The following MPPED1 variants were observed in gnomAD, a reference collection of about 807,000 sequenced individuals.
MPPED1 encodes the protein metallophosphoesterase domain containing 1.
In MPPED1, 16 loss-of-function variants were observed where a neutral mutation model predicts 36.2. The observed-to-expected ratio is 0.44, with a 90% CI of 0.30 to 0.67. The LOEUF is 0.67. Among genes scored for constraint, MPPED1 ranks in the 30% least tolerant of loss-of-function variants. The pLI, the probability that MPPED1 is intolerant of heterozygous loss-of-function variation, is 0.10. For missense variants in MPPED1, 307 were observed against 453.4 expected (o/e 0.68, Z 2.93); for synonymous variants, 199 against 191.3 (o/e 1.04, Z -0.33).
At chr22:43,440,248 A>G (rs1930103880) in intron 3 of MPPED1, among the ~76,000 whole-genome samples, 1 of 152,244 alleles carries the variant, frequency 6.6e-6, no homozygotes, top group African/African-American at 2.4e-5. Context: ...GACACAGACC[A>G]GTGTGAGCCA....
rs12159524 is a variant in MPPED1 at position 43,473,929 on chromosome 22, G to A, written c.407-807G>A. On this transcript the variant is annotated intron_variant, in intron 3 of 6. Transcript: ENST00000443721. Reference sequence around the variant, plus strand: ...CCTTGGAAGAACTACCCAAAAGTTCGCACACAGCAAAGCTGGAATGACACT... The same window carrying A: ...CCTTGGAAGAACTACCCAAAAGTTCACACACAGCAAAGCTGGAATGACACT... Among the ~76,000 whole-genome samples the A allele has an allele frequency of 4.4e-3, 677 of 152,322 alleles. 7 individuals carry two copies. Among genetic ancestry groups the A allele is most frequent in the African/African-American group, 0.014 (601 of 41,562 alleles).
In MPPED1 at chr22:43,505,584, G is replaced by A. The variant is rs774955949; in HGVS notation, c.949G>A (p.Val317Ile). The A allele has an allele frequency of 1.4e-5, 23 of 1,612,438 alleles. No homozygotes were observed. Among genetic ancestry groups the A allele is most frequent in the Non-Finnish European group, 1.9e-5 (22 of 1,179,366 alleles). ...VNYQPVNPPI[V>I]IDLPTPRNS The stretch of plus-strand genomic sequence containing the variant: ...CTACCAGCCCGTGAACCCGCCCATA[G>A]TCATCGACCTCCCCACACCCCGGAA... The change falls in exon 7 of 7, where the codon GTC (valine) becomes ATC (isoleucine). Residue 317 changes from valine to isoleucine, a missense_variant. Physicochemically the swap from Val to Ile is conservative, Grantham distance 29. This residue lies in a region of MPPED1 where 132 missense variants were observed against 212.3 expected (regional missense o/e 0.62). Coordinates refer to ENST00000443721, the MANE Select transcript of MPPED1 (RefSeq NM_001044370.2).
chr22:43,435,590 C>T (rs5751495), intron 3 of MPPED1, among the ~76,000 whole-genome samples: 3 of 152,204 alleles, frequency 2.0e-5, no homozygotes, highest in African/African-American at 4.8e-5. Flanking sequence ...GGTGCAGCAG[C>T]TCATGCCTGT....
At chr22:43,498,852 C>T (rs976595091) in intron 5 of MPPED1, among the ~76,000 whole-genome samples, 6 of 151,670 alleles carry the variant, frequency 4.0e-5, no homozygotes, top group East Asian at 1.9e-4. Flanking sequence ...CATACTGCCT[C>T]CTCCACCCCT....
intron 3 of MPPED1, among the ~76,000 whole-genome samples, chr22:43,465,509 C>T (rs527517734): frequency 3.3e-5 from 5 of 152,294 alleles, no homozygotes; most frequent in East Asian, 3.9e-4. Flanking sequence ...CCCGTGCTGG[C>T]GGTAGAGCGC....
chr22:43,495,116 A>G (rs570567199), intron 4 of MPPED1, among the ~76,000 whole-genome samples: 1 of 151,370 alleles, frequency 6.6e-6, no homozygotes, highest in South Asian at 2.1e-4. Flanking sequence ...AGTGGTGGTG[A>G]TGGAGGTGGT....
chr22:43,447,147 G>C (rs1930374798), intron 3 of MPPED1, among the ~76,000 whole-genome samples: 1 of 152,100 alleles, frequency 6.6e-6, no homozygotes, highest in South Asian at 2.1e-4. Context: ...AGGTTCCCTC[G>C]TGTGAGTCTT....
At chr22:43,434,929 G>C in intron 2 of MPPED1, 105 bp from the exon 3 acceptor site, 1 of 1,258,440 alleles carries the variant, frequency 7.9e-7, no homozygotes, top group Non-Finnish European at 1.1e-6. Context: ...GGATCTGAGC[G>C]GGATTGATGG....
At chr22:43,446,137 C>T (rs1930338171) in intron 3 of MPPED1, among the ~76,000 whole-genome samples, 1 of 152,196 alleles carries the variant, frequency 6.6e-6, no homozygotes, top group Non-Finnish European at 1.5e-5. Flanking sequence ...TCCCAAAGTG[C>T]TGGGATTACA....
chr22:43,465,074 C>T (rs1422507245), intron 3 of MPPED1, among the ~76,000 whole-genome samples: 1 of 152,188 alleles, frequency 6.6e-6, no homozygotes, highest in Non-Finnish European at 1.5e-5. Context: ...AGGTCAGGAC[C>T]TTTATGTCAC....
chr22:43,488,675 A>G (rs1931990264), intron 4 of MPPED1, among the ~76,000 whole-genome samples: 1 of 152,134 alleles, frequency 6.6e-6, no homozygotes, highest in Middle Eastern at 3.2e-3. Flanking sequence ...ATTTTCAACT[A>G]AATGAGACAT....
chr22:43,446,244 G>A (rs1412613805), intron 3 of MPPED1, among the ~76,000 whole-genome samples: 2 of 152,214 alleles, frequency 1.3e-5, no homozygotes, highest in African/African-American at 4.8e-5. Context: ...TTTCCAGGTT[G>A]CACTTGATTA....
intron 4 of MPPED1, among the ~76,000 whole-genome samples, chr22:43,489,307 C>T (rs908616566): frequency 5.3e-5 from 8 of 151,972 alleles, no homozygotes; most frequent in Non-Finnish European, 1.2e-4. Context: ...TACAGGAGGC[C>T]GGGGGCTGTC....
chr22:43,481,862 G>A (rs1216437641), intron 4 of MPPED1, among the ~76,000 whole-genome samples: 1 of 152,140 alleles, frequency 6.6e-6, no homozygotes, highest in African/African-American at 2.4e-5. Flanking sequence ...ATCACTAATG[G>A]GGGCAGGGCC....
At chr22:43,495,644 A>G (rs377532393) in intron 4 of MPPED1, among the ~76,000 whole-genome samples, 378 of 7,304 alleles carry the variant, frequency 0.052, 1 homozygote, top group East Asian at 0.068. Flanking sequence ...GGTGGAGGTG[A>G]TGGTGGAGGT....
rs1326639301 is a variant in MPPED1, at chr22:43,424,891, C to G, written c.-78-17C>G. On this transcript the variant is annotated splice_polypyrimidine_tract_variant and intron_variant, in intron 1 of 6. Transcript: ENST00000443721. Reference sequence around the variant, plus strand: ...CAAACAGATTAACTGTCGCACGGTTCTGCTCCGTCTCCTCAGTCTGTTTCC... The same window carrying G: ...CAAACAGATTAACTGTCGCACGGTTGTGCTCCGTCTCCTCAGTCTGTTTCC... The G allele has an allele frequency of 9.2e-6, 14 of 1,521,252 alleles. 1 individual carries two copies. In the South Asian group the frequency reaches 1.7e-4, roughly 19 times the overall value. 94.2% of individuals were successfully genotyped at this position (1,521,252 alleles called of 1,614,324 possible). A position where few individuals can be genotyped will look rare whatever the true frequency, so the allele number is the denominator to read the frequency against.
At position 43,505,518 on chromosome 22, in the gene MPPED1, G is replaced by T; in HGVS notation, c.883G>T (p.Gly295Trp). 6.2e-7 allele frequency: 1 copy of T among 1,610,850 alleles called. No individual in the cohort carries two copies. The change falls in exon 7 of 7, where the codon GGG becomes TGG. Residue 295 changes from glycine to tryptophan, a missense_variant. Gly to Trp is a radical substitution (Grantham distance 184). Around this residue, in one of 3 missense-constraint regions of MPPED1, gnomAD observed 132 missense variants for 212.3 expected, o/e 0.62. Transcript: ENST00000443721. ...TCCAGGGTATGGTGTCATGGCAGAT[G>T]GGACGACCACCTATGTGAATGCGTC... ...IHEGYGVMAD[G>W]TTTYVNASVC...
chr22:43,470,058 A>T (rs755700961), intron 3 of MPPED1, among the ~76,000 whole-genome samples: 1 of 150,746 alleles, frequency 6.6e-6, no homozygotes, highest in Non-Finnish European at 1.5e-5. Context: ...ATATCCATAC[A>T]TATATAAATC....
At chr22:43,445,967 A>G (rs1031942101) in intron 3 of MPPED1, among the ~76,000 whole-genome samples, 1 of 138,066 alleles carries the variant, frequency 7.2e-6, no homozygotes, top group South Asian at 2.3e-4. Context: ...ACCTCCTGGG[A>G]TCAGGTGATT....
Sources: gnomAD v4.1 joint callset for allele counts (sites outside exome capture counted in the v4.1 genomes callset) on GRCh38, gnomAD v4.1.1 for gene constraint, gnomAD v4.1.1 regional missense constraint, MANE v1.5 for transcripts, NCBI Gene and HGNC (gene_info 2026-07-23, HGNC 2026-07-21) for gene names.